LRRC36: variants seen among roughly 807,000 people sequenced by gnomAD.
The protein encoded by LRRC36 is leucine-rich repeat-containing protein 36.
LRRC36 carries 62 observed loss-of-function variants against 81.1 expected under a neutral mutation model. The ratio of observed to expected loss-of-function variants is 0.76; its 90% CI spans 0.62 to 0.94. The LOEUF is 0.94. LRRC36 is among the 40% of genes least tolerant of loss of function. LRRC36 has a pLI of 0.00. For synonymous variants in LRRC36, 334 were observed against 348.6 expected, an observed-to-expected ratio of 0.96 and a Z score of 0.47; for missense variants, 761 against 881.7, an observed-to-expected ratio of 0.86 and a Z score of 1.73.
intron 1 of LRRC36, among the ~76,000 whole-genome samples, chr16:67,341,112 C>A: frequency 1.1e-4 from 12 of 109,342 alleles, no homozygotes; most frequent in African/African-American, 3.6e-4. Flanking sequence ...TCTACATATT[C>A]TATAGAATAT....
At chr16:67,362,241 C>T (rs757027189) in intron 5 of LRRC36, 1 of 450,888 alleles carries the variant, frequency 2.2e-6, no homozygotes, top group South Asian at 1.6e-5. Context: ...CGGCTCACTG[C>T]AACCTCTACC....
In LRRC36 at chr16:67,326,859, G is replaced by T; in HGVS notation, c.-4G>T. ...GGGCGGTGGCAGGTGAGCGGCGGGC[G>T]GGGATGGCGGAGCAATGGGAGCTGG... On this transcript the variant is annotated 5_prime_UTR_variant, in exon 1 of 14. Transcript: ENST00000329956. The T allele has an allele frequency of 7.0e-7, 1 of 1,434,362 alleles. No individual in the cohort carries two copies. The allele number at this position is 1,434,362 out of a possible 1,614,324, so 88.9% of individuals were successfully genotyped here. A position where few individuals can be genotyped will look rare whatever the true frequency, so the allele number is the denominator to read the frequency against.
chr16:67,375,272 T>C lies in LRRC36; in HGVS notation c.1520T>C (p.Leu507Ser). ...CCTCTCTCTAGTGACCTGGGTAGTT[T>C]GCACGGTTTGGCTGGAAACCACAGT... The part of the protein sequence containing the change: ...SEPLSSDLGS[L>S]HGLAGNHSPP... The change falls in exon 10 of 14, where the codon TTG (leucine) becomes TCG (serine). Residue 507 changes from leucine to serine, a missense_variant. This residue lies in a region of LRRC36 where 359 missense variants were observed against 388.4 expected (regional missense o/e 0.92). Coordinates refer to ENST00000329956, the MANE Select transcript of LRRC36 (RefSeq NM_018296.6). The C allele has an allele frequency of 3.1e-6, 5 of 1,613,240 alleles. No homozygotes were observed. The highest frequency in any genetic ancestry group is 3.4e-6 in the Non-Finnish European group (4 of 1,179,900).
chr16:67,341,958 A>G lies in LRRC36; in HGVS notation c.72A>G (p.Glu24=). ...TATCTACTGATGATCTCTTTTCAGA[A>G]CTGGTGGAGTCTCTTTCATTGCAGG... is the stretch of plus-strand genomic sequence containing the variant. ...RLGALTLEQP[E]LVESLSLQGS... The change falls in exon 2 of 14, where the codon GAA becomes GAG. Residue 24 remains glutamate, a splice_region_variant and synonymous_variant. Coordinates refer to ENST00000329956, the MANE Select transcript of LRRC36 (RefSeq NM_018296.6). 5 of 1,607,718 alleles carry G rather than the reference A, an allele frequency of 3.1e-6. No homozygotes were observed. The highest frequency in any genetic ancestry group is 4.3e-6 in the Non-Finnish European group (5 of 1,176,240).
At chr16:67,336,869 G>A (rs1246356376) in intron 1 of LRRC36, 2 of 151,944 alleles carry the variant, frequency 1.3e-5, no homozygotes, top group Admixed American at 1.3e-4. Flanking sequence ...TTGGTTTCAA[G>A]TGATCCTCCC....
At position 67,375,390 on chromosome 16, in the gene LRRC36, C is replaced by T. The variant is rs147290344; in HGVS notation, c.1638C>T (p.Leu546=). Residue 546 remains leucine, a synonymous_variant, in exon 10 of 14, where the codon CTC becomes CTT. Coordinates refer to ENST00000329956, the MANE Select transcript of LRRC36 (RefSeq NM_018296.6). The part of the protein sequence containing the change: ...VDKHWNGSGS[L]LLNKKFLGPA... Reference sequence around the variant, plus strand: ...AGCACTGGAATGGCTCCGGCTCCCTCCTCCTCAACAAGAAGTTTCTCGGTG... The same window carrying T: ...AGCACTGGAATGGCTCCGGCTCCCTTCTCCTCAACAAGAAGTTTCTCGGTG... 435 of 1,585,738 alleles carry T rather than the reference C, an allele frequency of 2.7e-4. 1 individual carries two copies. In the African/African-American group the frequency reaches 5.5e-3, roughly 20 times the overall value.
At chr16:67,381,115 T>C (rs2040092410) in intron 12 of LRRC36, among the ~76,000 whole-genome samples, 1 of 150,484 alleles carries the variant, frequency 6.6e-6, no homozygotes, top group Non-Finnish European at 1.5e-5. Flanking sequence ...TCCCAGCTAC[T>C]CAGGAGGCTG....
chr16:67,365,406 C>T (rs769080710), intron 7 of LRRC36, 51 bp downstream of exon 7: 2 of 1,515,412 alleles, frequency 1.3e-6, no homozygotes, highest in Admixed American at 3.4e-5. Flanking sequence ...TCAGAGAAGT[C>T]TGGATGTGAT....
intron 11 of LRRC36, among the ~76,000 whole-genome samples, chr16:67,378,306 C>T (rs2039986000): frequency 7.9e-6 from 1 of 126,982 alleles, no homozygotes; most frequent in Non-Finnish European, 1.5e-5. Flanking sequence ...ATGGCACTTT[C>T]TCAGCTCACT....
intron 3 of LRRC36, among the ~76,000 whole-genome samples, chr16:67,347,119 A>G (rs2038387487): frequency 6.6e-6 from 1 of 152,120 alleles, no homozygotes; most frequent in East Asian, 1.9e-4. Flanking sequence ...TGTTGAGTAT[A>G]CATTTCTTAT....
intron 5 of LRRC36, among the ~76,000 whole-genome samples, chr16:67,350,798 G>C (rs1180953092): frequency 6.6e-6 from 1 of 152,218 alleles, no homozygotes; most frequent in Admixed American, 6.5e-5. Flanking sequence ...CAGCACTTTG[G>C]GAGGCCGAGG....
chr16:67,337,942 G>A (rs1185656346), intron 1 of LRRC36, among the ~76,000 whole-genome samples: 2 of 151,966 alleles, frequency 1.3e-5, no homozygotes, highest in African/African-American at 4.8e-5. Flanking sequence ...AAATTAGCTG[G>A]GTGTGGTGGC....
At chr16:67,342,711 G>A (rs1007950475) in intron 2 of LRRC36, among the ~76,000 whole-genome samples, 1 of 152,118 alleles carries the variant, frequency 6.6e-6, no homozygotes, top group Non-Finnish European at 1.5e-5. Flanking sequence ...TGTTTTCTTT[G>A]TGGTAGACCC....
intron 1 of LRRC36, among the ~76,000 whole-genome samples, chr16:67,333,087 AT>A (rs922693757): frequency 4.0e-5 from 6 of 151,688 alleles, no homozygotes; most frequent in Non-Finnish European, 7.4e-5. Context: ...AGATGGGTGC[AT>A]TTTAAAAAGA....
In LRRC36 at chr16:67,375,383, G is replaced by A. The variant is rs1423169848; in HGVS notation, c.1631G>A (p.Gly544Asp). The part of the protein sequence containing the change: ...ELVDKHWNGS[G>D]SLLLNKKFLG... ...GTGGATAAGCACTGGAATGGCTCCG[G>A]CTCCCTCCTCCTCAACAAGAAGTTT... The change falls in exon 10 of 14, where the codon GGC (glycine) becomes GAC (aspartate). Residue 544 changes from glycine (G) to aspartate (D), a missense_variant. Around this residue, in one of 3 missense-constraint regions of LRRC36, gnomAD observed 359 missense variants for 388.4 expected, o/e 0.92. Transcript: ENST00000329956. 6.3e-7 allele frequency: 1 copy of A among 1,591,870 alleles called. No individual in the cohort carries two copies. The highest frequency in any genetic ancestry group is 1.1e-5 in the South Asian group (1 of 87,536).
chr16:67,350,334 TATCTC>T (rs1331430169), intron 5 of LRRC36, 44 bp downstream of exon 5: 1 of 1,459,294 alleles, frequency 6.9e-7, no homozygotes, highest in Non-Finnish European at 9.6e-7. Context: ...AAACATCAGT[TATCTC>T]AGCTGCCATA....
chr16:67,353,929 A>G (rs140908074), intron 5 of LRRC36, among the ~76,000 whole-genome samples: 1 of 152,286 alleles, frequency 6.6e-6, no homozygotes, highest in Non-Finnish European at 1.5e-5. Flanking sequence ...CTTTGCTGCC[A>G]GATTAATTCT....
rs1015471341 is a variant in LRRC36 at position 67,378,235 on chromosome 16, C to CTTTTTTTTTTTTT, written c.1807-344_1807-332dup. Among the ~76,000 whole-genome samples, 81 of 100,482 alleles carry CTTTTTTTTTTTTT rather than the reference C, an allele frequency of 8.1e-4. 9 individuals carry two copies. The highest frequency in any genetic ancestry group is 2.8e-3 in the African/African-American group (60 of 21,084). 65.9% of individuals were successfully genotyped at this position (100,482 alleles called of 152,430 possible). ...TAAACACACCTTAGCATGTCAGATT[C>CTTTTTTTTTTTTT]TTTTTTTTTTTTTTTTTTTTTTGAG... is the stretch of plus-strand genomic sequence containing the variant. On this transcript the variant is annotated intron_variant, in intron 11 of 13. Coordinates refer to ENST00000329956, the MANE Select transcript of LRRC36 (RefSeq NM_018296.6).
chr16:67,366,129 T>G (rs1196639692), intron 7 of LRRC36, among the ~76,000 whole-genome samples: 1 of 151,492 alleles, frequency 6.6e-6, no homozygotes, highest in Admixed American at 6.6e-5. Flanking sequence ...CTCTCTCTCT[T>G]CCCACTTCCT....
Sources: gnomAD v4.1 joint callset for allele counts (sites outside exome capture counted in the v4.1 genomes callset) on GRCh38, gnomAD v4.1.1 for gene constraint, gnomAD v4.1.1 regional missense constraint, MANE v1.5 for transcripts, NCBI Gene and HGNC (gene_info 2026-07-23, HGNC 2026-07-21) for gene names.